Variants in DENND2A observed in about 807,000 individuals in gnomAD.
DENND2A encodes the protein DENN domain containing 2A, also known as DENN domain-containing protein 2A.
Under a neutral mutation model 105.3 loss-of-function variants are expected in DENND2A, and 53 were observed. The ratio of observed to expected loss-of-function variants is 0.50; its 90% CI spans 0.40 to 0.63. The LOEUF is 0.63. Ranked by LOEUF, DENND2A falls within the 30% of genes least tolerant of loss-of-function variation. The pLI is 0.00. For missense variants in DENND2A, 1,138 were observed against 1,279.6 expected (o/e 0.89, Z 1.69); for synonymous variants, 522 against 508.4 (o/e 1.03, Z -0.36).
At chr7:140,626,239 C>T (rs1800520966) in intron 1 of DENND2A, among the ~76,000 whole-genome samples, 4 of 152,224 alleles carry the variant, frequency 2.6e-5, no homozygotes, top group Admixed American at 2.6e-4. Flanking sequence ...CTCCTCCCTT[C>T]CCCTTCTCCG....
Position 140,518,577 on chromosome 7 carries a change from G to A in DENND2A, c.*130C>T. ...TCATCCAGGGAAGAGCCCAGCCTCG[G>A]CCAGAAGCCACCGCGGCCTCCAGTT... On this transcript the variant is annotated 3_prime_UTR_variant, in exon 20 of 20. Coordinates refer to ENST00000496613, the MANE Select transcript of DENND2A (RefSeq NM_015689.5). 2.1e-6 allele frequency: 2 copies of A among 941,940 alleles called. No homozygotes were observed. The highest frequency in any genetic ancestry group is 3.2e-6 in the Non-Finnish European group (2 of 627,778). The allele number at this position is 941,940 out of a possible 1,614,324, so 58.3% of individuals were successfully genotyped here.
chr7:140,629,552 G>C (rs1442137784), intron 1 of DENND2A, among the ~76,000 whole-genome samples: 2 of 152,204 alleles, frequency 1.3e-5, no homozygotes, highest in Non-Finnish European at 2.9e-5. Flanking sequence ...AAATGAGAAA[G>C]AGGAGTGAAG....
chr7:140,605,373 T>C (rs1799653502), intron 2 of DENND2A, among the ~76,000 whole-genome samples: 1 of 152,196 alleles, frequency 6.6e-6, no homozygotes, highest in Non-Finnish European at 1.5e-5. Flanking sequence ...CAGGTACAGC[T>C]GCAAAGACTT....
intron 3 of DENND2A, among the ~76,000 whole-genome samples, chr7:140,597,467 C>T (rs1233883002): frequency 3.9e-5 from 6 of 151,980 alleles, no homozygotes; most frequent in Non-Finnish European, 7.4e-5. Context: ...AATATCTTGC[C>T]CTAATCACCT....
chr7:140,524,667 C>T (rs945691522), intron 16 of DENND2A, among the ~76,000 whole-genome samples: 2 of 152,054 alleles, frequency 1.3e-5, no homozygotes, highest in African/African-American at 4.8e-5. Flanking sequence ...CCTTGACCTC[C>T]CAGGCTTAAG....
Position 140,576,629 on chromosome 7 carries a change from A to C in DENND2A, c.1246-2621T>G, listed in dbSNP as rs139901410. 7.9e-3 allele frequency among the ~76,000 whole-genome samples: 1,209 copies of C among 152,320 alleles called. 13 individuals carry two copies. The highest frequency in any genetic ancestry group is 0.027 in the African/African-American group (1,128 of 41,568). On this transcript the variant is annotated intron_variant, in intron 5 of 19. Transcript: ENST00000496613. ...CCAAATAGTAAGTAGCAATAACTTC[A>C]GAATCTTTTCTTTTTAAAAAGATTT...
intron 12 of DENND2A, among the ~76,000 whole-genome samples, chr7:140,551,299 C>CAAA (rs529992901): frequency 8.4e-4 from 60 of 71,618 alleles, no homozygotes; most frequent in African/African-American, 1.0e-3. Context: ...GACTCCATCT[C>CAAA]AAAAAAAAAA....
intron 1 of DENND2A, among the ~76,000 whole-genome samples, chr7:140,634,237 A>G (rs1387263164): frequency 6.6e-6 from 1 of 152,046 alleles, no homozygotes; most frequent in African/African-American, 2.4e-5. Flanking sequence ...TGACCTCGTG[A>G]TCCGCCTGCC....
intron 1 of DENND2A, among the ~76,000 whole-genome samples, chr7:140,620,187 C>G (rs982958218): frequency 6.6e-6 from 1 of 151,660 alleles, no homozygotes; most frequent in South Asian, 2.1e-4. Flanking sequence ...CAGAGTAAGA[C>G]TCTGTCTCAA....
intron 6 of DENND2A, among the ~76,000 whole-genome samples, chr7:140,572,977 C>T (rs1054906944): frequency 1.1e-4 from 16 of 152,024 alleles, no homozygotes; most frequent in South Asian, 4.1e-4. Context: ...TTATCAGCAG[C>T]GATGGGGAGT....
At chr7:140,633,823 G>C (rs1010500697) in intron 1 of DENND2A, among the ~76,000 whole-genome samples, 6 of 152,084 alleles carry the variant, frequency 3.9e-5, no homozygotes, top group African/African-American at 1.4e-4. Flanking sequence ...CTGGAGTGCA[G>C]TGGTGTGATC....
chr7:140,563,284 C>T (rs1451055785), intron 9 of DENND2A, among the ~76,000 whole-genome samples: 1 of 152,170 alleles, frequency 6.6e-6, no homozygotes, highest in Admixed American at 6.6e-5. Flanking sequence ...ACACTTGTGC[C>T]TACCCACACG....
intron 2 of DENND2A, 130 bp downstream of exon 2, chr7:140,605,575 C>T (rs756181435): frequency 6.6e-6 from 1 of 152,190 alleles, no homozygotes; most frequent in Non-Finnish European, 1.5e-5. Flanking sequence ...AGGCGGTCTG[C>T]AGGAGGCTCA....
intron 1 of DENND2A, among the ~76,000 whole-genome samples, chr7:140,638,073 G>C (rs1487080962): frequency 6.6e-6 from 1 of 151,750 alleles, no homozygotes; most frequent in Non-Finnish European, 1.5e-5. Flanking sequence ...CAGCAACGAA[G>C]ATTTTTTTTT....
intron 5 of DENND2A, among the ~76,000 whole-genome samples, chr7:140,576,027 G>GAGAT (rs371171534): frequency 2.7e-5 from 4 of 147,686 alleles, no homozygotes; most frequent in African/African-American, 7.4e-5. Context: ...GGTTCTTTCA[G>GAGAT]ATATATATAT....
intron 1 of DENND2A, among the ~76,000 whole-genome samples, chr7:140,637,993 C>T (rs558605403): frequency 3.4e-4 from 52 of 151,950 alleles, no homozygotes; most frequent in South Asian, 6.2e-4. Context: ...GCAGTTCACT[C>T]CCCTAGACAT....
At chr7:140,614,345 T>A (rs530393220) in intron 1 of DENND2A, among the ~76,000 whole-genome samples, 7 of 152,170 alleles carry the variant, frequency 4.6e-5, no homozygotes, top group Non-Finnish European at 8.8e-5. Flanking sequence ...CCTCAAGTGA[T>A]CCACCTGCCT....
intron 12 of DENND2A, among the ~76,000 whole-genome samples, chr7:140,550,794 A>G (rs1431797374): frequency 6.6e-6 from 1 of 152,050 alleles, no homozygotes; most frequent in East Asian, 1.9e-4. Flanking sequence ...GGGGAGATGA[A>G]AAAGCTCTGG....
intron 5 of DENND2A, among the ~76,000 whole-genome samples, chr7:140,581,738 C>G (rs999180100): frequency 6.6e-6 from 1 of 152,220 alleles, no homozygotes; most frequent in Non-Finnish European, 1.5e-5. Flanking sequence ...CAATCAGACA[C>G]GTGCTCTGGA....
Sources: gnomAD v4.1 joint callset for allele counts (sites outside exome capture counted in the v4.1 genomes callset) on GRCh38, gnomAD v4.1.1 for gene constraint, MANE v1.5 for transcripts, NCBI Gene and HGNC (gene_info 2026-07-23, HGNC 2026-07-21) for gene names.